ZNF568: variants seen among roughly 807,000 people sequenced by gnomAD.
ZNF568 encodes the protein zinc finger protein 568.
ZNF568 carries 11 observed loss-of-function variants against 18.1 expected under a neutral mutation model. The ratio of observed to expected loss-of-function variants is 0.61; its 90% CI spans 0.38 to 1.00. ZNF568 has a LOEUF of 1.00. ZNF568 is among the 50% of genes least tolerant of loss of function. The pLI is 0.01. For missense variants in ZNF568, 639 were observed against 768.2 expected, an observed-to-expected ratio of 0.83 and a Z score of 1.99; for synonymous variants, 213 against 246.6, an observed-to-expected ratio of 0.86 and a Z score of 1.28.
At chr19:36,984,608 T>C (rs1033761555), downstream of ZNF568, among the ~76,000 whole-genome samples, 5 of 152,130 alleles carry the variant, frequency 3.3e-5, no homozygotes, top group African/African-American at 1.2e-4. Context: ...CCATTCTTTC[T>C]TACATGTCAA....
chr19:36,943,405 A>C (rs1425193513), intron 6 of ZNF568, among the ~76,000 whole-genome samples: 3 of 152,142 alleles, frequency 2.0e-5, no homozygotes, highest in Non-Finnish European at 2.9e-5. Context: ...GATTGCACTG[A>C]AATACAGTTT....
chr19:36,925,370 G>A, intron 4 of ZNF568, 112 bp downstream of exon 4: 2 of 963,544 alleles, frequency 2.1e-6, no homozygotes, highest in South Asian at 1.6e-5. Context: ...ATAAAAGTGA[G>A]AAAAAATACA....
At chr19:36,992,791 A>G (rs2146350764) in intron 4 of ZNF568, among the ~76,000 whole-genome samples, 1 of 152,332 alleles carries the variant, frequency 6.6e-6, no homozygotes, top group South Asian at 2.1e-4. Context: ...CGCCATACCC[A>G]TTAGCAGTCA....
At chr19:36,960,537 C>T (rs496730) in intron 6 of ZNF568, among the ~76,000 whole-genome samples, 85,468 of 151,628 alleles carry the variant, frequency 0.56, 24,953 homozygotes, top group African/African-American at 0.69. Context: ...AAGAAACTTT[C>T]CTTTGGCCTG....
Position 36,922,802 on chromosome 19 carries a change from G to T in ZNF568, c.32G>T (p.Ser11Ile), listed in dbSNP as rs768919051. 9.3e-6 allele frequency: 15 copies of T among 1,613,982 alleles called. No individual in the cohort carries two copies. In the Admixed American group the frequency reaches 1.5e-4, roughly 16 times the overall value. The change falls in exon 3 of 7, where the codon AGC (serine) becomes ATC (isoleucine). Residue 11 changes from serine (S) to isoleucine (I), a missense_variant. Coordinates refer to ENST00000333987, the MANE Select transcript of ZNF568 (RefSeq NM_198539.4). MTSQSSVISN[S>I]CVTMERLSHM... ...TCTCAATCTTCAGTGATCAGCAATA[G>T]CTGTGTGACAATGGAGCGTTTGAGC...
At chr19:36,976,912 GA>G (rs201593467) in intron 7 of ZNF568, among the ~76,000 whole-genome samples, 27 of 150,536 alleles carry the variant, frequency 1.8e-4, no homozygotes, top group African/African-American at 5.4e-4. Flanking sequence ...CTCCGTCTAA[GA>G]AAAAAAAAGA....
exon 5 of ZNF568, chr19:36,996,964 A>T (rs1667363): frequency 0.53 from 810,437 of 1,539,246 alleles, 215,871 homozygotes; most frequent in African/African-American, 0.61. Context: ...ATACTATGAA[A>T]GTAAGGCGTG....
At chr19:36,974,826 A>ATTTTTT (rs3053253) in intron 7 of ZNF568, among the ~76,000 whole-genome samples, 24 of 132,280 alleles carry the variant, frequency 1.8e-4, no homozygotes, top group Admixed American at 2.4e-4. Context: ...TTGCTTACCA[A>ATTTTTT]TTTTTTTTTT....
At chr19:36,918,958 G>T (rs1358482554) in intron 2 of ZNF568, among the ~76,000 whole-genome samples, 2 of 152,098 alleles carry the variant, frequency 1.3e-5, no homozygotes, top group African/African-American at 4.8e-5. Context: ...GCATGTATTG[G>T]AATTTCCTCC....
At chr19:36,965,503 T>G (rs523979) in intron 6 of ZNF568, among the ~76,000 whole-genome samples, 88,600 of 151,946 alleles carry the variant, frequency 0.58, 26,881 homozygotes, top group African/African-American at 0.74. Context: ...CTAGCCACCT[T>G]ATAGAAGGCC....
chr19:36,918,792 A>T lies in ZNF568; in HGVS notation c.-186+1144A>T, dbSNP rs79866373. On this transcript the variant is annotated intron_variant, in intron 2 of 6. Transcript: ENST00000333987. The stretch of plus-strand genomic sequence containing the variant: ...AGTACCTATCAAACAATAACTCTGT[A>T]CCCCCCTTTCCCCCGGCCTATGGCA... Among the ~76,000 whole-genome samples the T allele has an allele frequency of 7.1e-3, 1,079 of 151,918 alleles. 14 individuals carry two copies. Among genetic ancestry groups the T allele is most frequent in the African/African-American group, 0.024 (1,006 of 41,420 alleles).
At chr19:36,997,367 G>T, downstream of ZNF568, 1 of 1,593,402 alleles carries the variant, frequency 6.3e-7, no homozygotes, top group Non-Finnish European at 8.5e-7. Context: ...GCTCATACTG[G>T]TGAAAAACCC....
chr19:36,937,563 T>G (rs10416960), intron 6 of ZNF568, among the ~76,000 whole-genome samples: 27,039 of 152,176 alleles, frequency 0.18, 2,425 homozygotes, highest in African/African-American at 0.21. Flanking sequence ...CTTTCCTTTA[T>G]GTTTATGGTT....
chr19:36,968,202 T>C lies in ZNF568; in HGVS notation c.359-6218T>C, dbSNP rs2074208367. Among the ~76,000 whole-genome samples the C allele has an allele frequency of 2.0e-5, 3 of 152,142 alleles. No homozygotes were observed. In the South Asian group the frequency reaches 6.2e-4, roughly 31 times the overall value. On this transcript the variant is annotated intron_variant, in intron 6 of 7. Transcript: ENST00000427117. ...AATGTAATTTCATGATTCATATTTATATGAGAAAAATACATACAAATTTAT... is the reference window on the plus strand; with the variant it reads ...AATGTAATTTCATGATTCATATTTACATGAGAAAAATACATACAAATTTAT...
intron 4 of ZNF568, among the ~76,000 whole-genome samples, chr19:36,929,522 A>G (rs967745158): frequency 6.6e-6 from 1 of 151,992 alleles, no homozygotes; most frequent in Non-Finnish European, 1.5e-5. Flanking sequence ...CGTTTCTACT[A>G]AAAATACAAA....
At position 36,952,723 on chromosome 19, in the gene ZNF568, T is replaced by A. The variant is rs826305; in HGVS notation, c.*1635T>A. ...TATAAAATAAATCTTAAAAGCTAATTATACACAATGACAATATGAATGTTT... is the reference window on the plus strand; with the variant it reads ...TATAAAATAAATCTTAAAAGCTAATAATACACAATGACAATATGAATGTTT... On this transcript the variant is annotated 3_prime_UTR_variant, in exon 7 of 7. Coordinates refer to ENST00000333987, the MANE Select transcript of ZNF568 (RefSeq NM_198539.4). 20 of 670,916 alleles carry A rather than the reference T, an allele frequency of 3.0e-5. No homozygotes were observed. In the African/African-American group the frequency reaches 3.8e-4, roughly 13 times the overall value. The allele number at this position is 670,916 out of a possible 1,614,324, so 41.6% of individuals were successfully genotyped here.
chr19:36,952,152 T>C lies in ZNF568; in HGVS notation c.*1064T>C, dbSNP rs2074070380. 6 of 571,420 alleles carry C rather than the reference T, an allele frequency of 1.1e-5. No homozygotes were observed. The South Asian group carries it at 4.7e-4, about 44-fold the overall frequency. 35.4% of individuals were successfully genotyped at this position (571,420 alleles called of 1,614,324 possible). A position where few individuals can be genotyped will look rare whatever the true frequency, so the allele number is the denominator to read the frequency against. ...AAGAAATATATATATAATATATGTATGTATGTATAGCCAGATGCAGTGGCA... is the reference window on the plus strand; with the variant it reads ...AAGAAATATATATATAATATATGTACGTATGTATAGCCAGATGCAGTGGCA... On this transcript the variant is annotated 3_prime_UTR_variant, in exon 7 of 7. Transcript: ENST00000333987.
At chr19:36,957,376 C>A (rs1231723288), downstream of ZNF568, among the ~76,000 whole-genome samples, 1 of 151,962 alleles carries the variant, frequency 6.6e-6, no homozygotes, top group African/African-American at 2.4e-5. Flanking sequence ...GGATTACAGG[C>A]GCCTGCCACC....
intron 6 of ZNF568, among the ~76,000 whole-genome samples, chr19:36,957,777 C>A (rs992526354): frequency 1.3e-5 from 2 of 152,088 alleles, no homozygotes; most frequent in Non-Finnish European, 2.9e-5. Context: ...TTTTCAAAGG[C>A]CATGAAAGTA....
Sources: gnomAD v4.1 joint callset for allele counts (sites outside exome capture counted in the v4.1 genomes callset) on GRCh38, gnomAD v4.1.1 for gene constraint, MANE v1.5 for transcripts, NCBI Gene and HGNC (gene_info 2026-07-23, HGNC 2026-07-21) for gene names.